Variants in SLC22A3 observed in about 807,000 individuals in gnomAD.
The protein encoded by SLC22A3 is EMT organic cation transporter 3.
Under a neutral mutation model 59.1 loss-of-function variants are expected in SLC22A3, and 51 were observed. That is an observed-to-expected ratio of 0.86 (90% CI 0.69 to 1.09). The LOEUF is 1.09. Among genes scored for constraint, SLC22A3 ranks in the 50% least tolerant of loss-of-function variants. SLC22A3 has a pLI of 0.00. For missense variants in SLC22A3, 711 were observed against 726.3 expected, an observed-to-expected ratio of 0.98 and a Z score of 0.24; for synonymous variants, 325 against 292.0, an observed-to-expected ratio of 1.11 and a Z score of -1.15.
intron 1 of SLC22A3, among the ~76,000 whole-genome samples, chr6:160,349,965 C>T (rs1193016024): frequency 1.3e-5 from 2 of 151,970 alleles, no homozygotes; most frequent in Non-Finnish European, 2.9e-5. Context: ...CCCTTTCTGC[C>T]GCTGTTGCTG....
intron 9 of SLC22A3, among the ~76,000 whole-genome samples, chr6:160,444,125 C>A (rs955252377): frequency 1.3e-5 from 2 of 152,114 alleles, no homozygotes; most frequent in African/African-American, 2.4e-5. Flanking sequence ...GTGGCTCACA[C>A]CTGTAAGACC....
At chr6:160,387,344 T>C (rs1431580449) in intron 1 of SLC22A3, among the ~76,000 whole-genome samples, 1 of 152,162 alleles carries the variant, frequency 6.6e-6, no homozygotes, top group African/African-American at 2.4e-5. Flanking sequence ...TGCCTGTAAG[T>C]GAGCAGGAGT....
intron 3 of SLC22A3, among the ~76,000 whole-genome samples, chr6:160,408,042 A>G (rs906039786): frequency 6.6e-6 from 1 of 152,184 alleles, no homozygotes; most frequent in Non-Finnish European, 1.5e-5. Flanking sequence ...CAGAAGGAGT[A>G]ACATTGGAAG....
chr6:160,433,535 T>TACTACTACC (rs1282122184), intron 5 of SLC22A3, among the ~76,000 whole-genome samples: 2 of 151,562 alleles, frequency 1.3e-5, no homozygotes, highest in Non-Finnish European at 2.9e-5. Context: ...CTACTACTAC[T>TACTACTACC]ACTACTACTA....
chr6:160,368,074 T>C (rs1391624899), intron 1 of SLC22A3, among the ~76,000 whole-genome samples: 1 of 152,142 alleles, frequency 6.6e-6, no homozygotes, highest in Non-Finnish European at 1.5e-5. Flanking sequence ...CTGATAGTCA[T>C]GTTGAGTGTC....
At chr6:160,358,650 G>A (rs892768202) in intron 1 of SLC22A3, among the ~76,000 whole-genome samples, 9 of 152,206 alleles carry the variant, frequency 5.9e-5, no homozygotes, top group African/African-American at 1.2e-4. Flanking sequence ...CCCCATCCGG[G>A]TGGCTCTGGG....
chr6:160,426,379 G>A (rs1464461429), intron 5 of SLC22A3: 1 of 983,278 alleles, frequency 1.0e-6, no homozygotes, highest in Admixed American at 6.1e-5. Context: ...TTAAGACTCT[G>A]TGCATGGCTC....
intron 1 of SLC22A3, among the ~76,000 whole-genome samples, chr6:160,351,828 G>A (rs1784671853): frequency 6.6e-6 from 1 of 152,166 alleles, no homozygotes; most frequent in Non-Finnish European, 1.5e-5. Context: ...AGAGACCTGA[G>A]GACCTTCCAG....
At chr6:160,371,717 C>A (rs1242839764) in intron 1 of SLC22A3, among the ~76,000 whole-genome samples, 2 of 152,130 alleles carry the variant, frequency 1.3e-5, no homozygotes, top group Non-Finnish European at 2.9e-5. Flanking sequence ...ATTGCTGGGT[C>A]AAGTGGTATT....
intron 5 of SLC22A3, among the ~76,000 whole-genome samples, chr6:160,425,663 A>G (rs529673384): frequency 2.6e-5 from 4 of 152,258 alleles, no homozygotes; most frequent in Admixed American, 1.3e-4. Context: ...CTTATATGCA[A>G]TGTCTGGAAA....
intron 5 of SLC22A3, among the ~76,000 whole-genome samples, chr6:160,416,360 A>C (rs1286181504): frequency 6.6e-6 from 1 of 152,198 alleles, no homozygotes; most frequent in African/African-American, 2.4e-5. Flanking sequence ...GTAGAATTTT[A>C]AGCAGTAGGT....
At chr6:160,394,591 A>T (rs1254790980) in intron 1 of SLC22A3, among the ~76,000 whole-genome samples, 1 of 152,222 alleles carries the variant, frequency 6.6e-6, no homozygotes, top group Non-Finnish European at 1.5e-5. Flanking sequence ...TTCTTTAGAA[A>T]CACATAATTT....
At chr6:160,357,272 T>C (rs1260157723) in intron 1 of SLC22A3, among the ~76,000 whole-genome samples, 1 of 152,198 alleles carries the variant, frequency 6.6e-6, no homozygotes, top group African/African-American at 2.4e-5. Flanking sequence ...GATAAGCAAG[T>C]CTTTGGCTTT....
rs796325763 is a variant in SLC22A3, at chr6:160,415,198, A to G, written c.975+4352A>G. Among the ~76,000 whole-genome samples the G allele has an allele frequency of 6.6e-6, 1 of 152,224 alleles. No homozygotes were observed. The highest frequency in any genetic ancestry group is 2.1e-4 in the South Asian group (1 of 4,836). ...TTTAAGTTTAAAACACCTTGCTAAAAGCGGAATTCAGCCACATTATGGGCC... is the reference window on the plus strand; with the variant it reads ...TTTAAGTTTAAAACACCTTGCTAAAGGCGGAATTCAGCCACATTATGGGCC... On this transcript the variant is annotated intron_variant, in intron 5 of 10. Transcript: ENST00000275300. The surrounding 1 kb of genome is among the most constrained non-coding windows in gnomAD (Gnocchi z 4.1).
chr6:160,423,095 T>C lies in SLC22A3; in HGVS notation c.975+12249T>C, dbSNP rs545351116. 1.9e-4 allele frequency among the ~76,000 whole-genome samples: 29 copies of C among 152,300 alleles called. No individual in the cohort carries two copies. In the East Asian group the frequency reaches 4.8e-3, roughly 25 times the overall value. ...GAACATGCGGTGTTTGGTTTTTTGT[T>C]CTTGCAATAGTTTGCTGAGAATGAT... On this transcript the variant is annotated intron_variant, in intron 5 of 10. Transcript: ENST00000275300.
intron 1 of SLC22A3, among the ~76,000 whole-genome samples, chr6:160,375,286 C>A (rs1025515009): frequency 1.3e-5 from 2 of 152,188 alleles, no homozygotes; most frequent in African/African-American, 4.8e-5. Context: ...TAGCAGTGGG[C>A]AGCTTGCTTG....
At chr6:160,357,284 C>T (rs1784874115) in intron 1 of SLC22A3, among the ~76,000 whole-genome samples, 1 of 152,204 alleles carries the variant, frequency 6.6e-6, no homozygotes, top group South Asian at 2.1e-4. Flanking sequence ...TTTGGCTTTC[C>T]ATTAACAGAG....
intron 2 of SLC22A3, among the ~76,000 whole-genome samples, chr6:160,400,869 C>A (rs931730631): frequency 6.7e-6 from 1 of 148,974 alleles, no homozygotes; most frequent in Non-Finnish European, 1.5e-5. Context: ...TGCTAGAGAT[C>A]AAAAACACTG....
intron 1 of SLC22A3, among the ~76,000 whole-genome samples, chr6:160,384,346 T>C (rs1349916078): frequency 6.6e-6 from 1 of 152,240 alleles, no homozygotes; most frequent in African/African-American, 2.4e-5. Context: ...CGGGGTGTTT[T>C]ACACCAATGG....
Sources: allele counts gnomAD v4.1 joint callset (sites outside exome capture counted in the v4.1 genomes callset), GRCh38; gene constraint gnomAD v4.1.1; non-coding constraint Gnocchi (gnomAD v3.1); transcripts MANE v1.5; gene names NCBI Gene and HGNC (gene_info 2026-07-23, HGNC 2026-07-21).